The following POR variants were observed in gnomAD, a reference collection of about 807,000 sequenced individuals.
POR encodes the protein NADPH--cytochrome P450 reductase.
Under a neutral mutation model 84.0 loss-of-function variants are expected in POR, and 56 were observed. That is an observed-to-expected ratio of 0.67 (90% confidence interval 0.54 to 0.83). The LOEUF (loss-of-function observed/expected upper bound fraction) is 0.83, where lower values mean the gene tolerates loss of function less well. Ranked by LOEUF, POR falls within the 40% of genes least tolerant of loss-of-function variation. The probability of loss-of-function intolerance (pLI) is 0.00; values close to 1 mark genes in which losing one functional copy is unlikely to be tolerated. For synonymous variants in POR, 414 were observed against 400.5 expected (o/e 1.03, Z -0.40); for missense variants, 938 against 944.3 (o/e 0.99, Z 0.09).
chr7:75,986,566 G>GTC lies in POR; in HGVS notation c.*85_*86insTC. The GTC allele has an allele frequency of 6.6e-7, 1 of 1,513,874 alleles. No homozygotes were observed. Among genetic ancestry groups the GTC allele is most frequent in the Non-Finnish European group, 8.9e-7 (1 of 1,129,074 alleles). The allele number at this position is 1,513,874 out of a possible 1,614,324, so 93.8% of individuals were successfully genotyped here. On this transcript the variant is annotated 3_prime_UTR_variant, in exon 16 of 16. Coordinates refer to ENST00000461988, the MANE Select transcript of POR (RefSeq NM_000941.3). ...CTCCCGTAGTCTCCTGGGTGTGTTT[G>GTC]GCTTGGCCTTGGCATGGGCGCAGGC...
At chr7:75,939,476 T>A (rs1425042440) in intron 1 of POR, among the ~76,000 whole-genome samples, 1 of 151,778 alleles carries the variant, frequency 6.6e-6, no homozygotes, top group African/African-American at 2.4e-5. Flanking sequence ...AACTCAGAGT[T>A]TCTGGAATGG....
chr7:75,929,418 C>G (rs1000892880), intron 1 of POR, among the ~76,000 whole-genome samples: 3 of 152,134 alleles, frequency 2.0e-5, no homozygotes, highest in African/African-American at 7.2e-5. Context: ...GCATGCACCA[C>G]CATGCCCAGC....
intron 2 of POR, among the ~76,000 whole-genome samples, chr7:75,966,119 C>T (rs1450639492): frequency 1.3e-5 from 2 of 152,152 alleles, no homozygotes; most frequent in Non-Finnish European, 2.9e-5. Flanking sequence ...GAGGATTAAA[C>T]AAAATAAAAT....
rs781914230 is a variant in POR, at chr7:75,985,937, G to GAGAC, written c.1685_1688dup (p.Leu564AspfsTer12). On this transcript the variant is annotated frameshift_variant, in exon 14 of 16. Coordinates refer to ENST00000461988, the MANE Select transcript of POR (RefSeq NM_000941.3). LOFTEE classifies it high-confidence loss of function. The stretch of plus-strand genomic sequence containing the variant: ...CTGCCACGCAGGCAAGGAGGTGGGG[G>GAGAC]AGACGCTGCTGTACTACGGCTGCCG... The GAGAC allele has an allele frequency of 1.3e-5, 21 of 1,588,006 alleles. No homozygotes were observed. Among genetic ancestry groups the GAGAC allele is most frequent in the Non-Finnish European group, 1.8e-5 (21 of 1,167,946 alleles).
intron 9 of POR, 45 bp downstream of exon 9, chr7:75,983,681 C>T: frequency 6.2e-7 from 1 of 1,608,830 alleles, no homozygotes; most frequent in Non-Finnish European, 8.5e-7. Context: ...CTCTGGGCCT[C>T]CTGACCTGGG....
chr7:75,938,259 A>G (rs1277350809), intron 1 of POR, among the ~76,000 whole-genome samples: 2 of 152,128 alleles, frequency 1.3e-5, no homozygotes, highest in African/African-American at 4.8e-5. Flanking sequence ...TTCAGTGGAG[A>G]ATGTTCTCCA....
In POR at chr7:75,978,363, A is replaced by G. The variant is rs138280336; in HGVS notation, c.238-1088A>G. ...ATACTGTCATCTTACTGTTCCCTAA[A>G]CAATACAGCATAGCAACTATTTACA... On this transcript the variant is annotated intron_variant, in intron 3 of 15. Coordinates refer to ENST00000461988, the MANE Select transcript of POR (RefSeq NM_000941.3). Among the ~76,000 whole-genome samples, 201 of 152,344 alleles carry G rather than the reference A, an allele frequency of 1.3e-3. 8 individuals are homozygous for G. The South Asian group carries it at 0.037, about 28-fold the overall frequency.
chr7:75,972,755 A>G (rs1554556387), intron 3 of POR: 3 of 485,990 alleles, frequency 6.2e-6, no homozygotes, highest in African/African-American at 1.9e-5. Context: ...TGGCCTGTCC[A>G]GGAGCAGAGG....
chr7:75,935,620 TGTGTGTGTGTG>T (rs1473970480), intron 1 of POR, among the ~76,000 whole-genome samples: 1 of 6,446 alleles, frequency 1.6e-4, no homozygotes, highest in Non-Finnish European at 2.7e-4. Context: ...GCTCGGGGCT[TGTGTGTGTGTG>T]TGTGTGTGTG....
At chr7:75,936,086 C>CTTTTTTTTTTTTTTTTTTT (rs869164954) in intron 1 of POR, among the ~76,000 whole-genome samples, 3 of 99,788 alleles carry the variant, frequency 3.0e-5, no homozygotes, top group Non-Finnish European at 3.9e-5. Context: ...TTCTTTCTTT[C>CTTTTTTTTTTTTTTTTTTT]TTTTTTTTTT....
intron 2 of POR, chr7:75,970,839 C>T (rs1788394735): frequency 6.6e-6 from 1 of 151,928 alleles, no homozygotes; most frequent in Admixed American, 6.6e-5. Context: ...ATTTGTAGGG[C>T]TTTCTTACAT....
chr7:75,952,766 C>T (rs1172062423), intron 1 of POR, among the ~76,000 whole-genome samples: 8 of 151,688 alleles, frequency 5.3e-5, no homozygotes, highest in African/African-American at 1.9e-4. Flanking sequence ...GATGGGATGG[C>T]GGTGGAGAAG....
chr7:75,986,321 C>T lies in POR; in HGVS notation c.1899-16C>T, dbSNP rs1554559436. Reference sequence around the variant, plus strand: ...CACAGTTGGCCCAGCCCCCAGCACCCCCTCTTCCTGCCCAGGGATGCACGG... The same window carrying T: ...CACAGTTGGCCCAGCCCCCAGCACCTCCTCTTCCTGCCCAGGGATGCACGG... On this transcript the variant is annotated splice_polypyrimidine_tract_variant and intron_variant, in intron 15 of 15. Coordinates refer to ENST00000461988, the MANE Select transcript of POR (RefSeq NM_000941.3). The T allele has an allele frequency of 1.2e-6, 2 of 1,612,460 alleles. No individual in the cohort carries two copies. Among genetic ancestry groups the T allele is most frequent in the Admixed American group, 1.7e-5 (1 of 60,010 alleles).
At chr7:75,940,019 C>T (rs1554551332) in intron 1 of POR, among the ~76,000 whole-genome samples, 5 of 152,128 alleles carry the variant, frequency 3.3e-5, no homozygotes, top group Non-Finnish European at 7.4e-5. Flanking sequence ...CCTGCCTTAC[C>T]TCCCAAATAG....
chr7:75,921,561 G>A (rs896781674), intron 1 of POR, among the ~76,000 whole-genome samples: 6 of 151,762 alleles, frequency 4.0e-5, no homozygotes, highest in Non-Finnish European at 7.4e-5. Flanking sequence ...CACCACGCCC[G>A]GCCCTTTAAA....
At chr7:75,966,457 A>G (rs1309244662) in intron 2 of POR, among the ~76,000 whole-genome samples, 1 of 152,190 alleles carries the variant, frequency 6.6e-6, no homozygotes, top group East Asian at 1.9e-4. Flanking sequence ...GTCCTGCCAG[A>G]GCAGGCTGCC....
intron 1 of POR, among the ~76,000 whole-genome samples, chr7:75,945,743 AG>A (rs1264573007): frequency 1.3e-5 from 2 of 152,160 alleles, no homozygotes; most frequent in Non-Finnish European, 1.5e-5. Context: ...TGACAGCTAA[AG>A]GGTTGACTAA....
intron 1 of POR, among the ~76,000 whole-genome samples, chr7:75,922,389 T>A (rs1806923284): frequency 6.8e-6 from 1 of 146,478 alleles, no homozygotes; most frequent in South Asian, 2.3e-4. Flanking sequence ...AGTGGCGCAA[T>A]CTTGGCTCAC....
Position 75,985,771 on chromosome 7 carries a change from G to A in POR, c.1591G>A (p.Val531Ile). Residue 531 changes from valine (V) to isoleucine (I), a missense_variant, in exon 13 of 16, where the codon GTC (valine) becomes ATC (isoleucine). Coordinates refer to ENST00000461988, the MANE Select transcript of POR (RefSeq NM_000941.3). ...CCTGCCCTTCAAGGCCACCACGCCTGTCATCATGGTGGGCCCCGGCACCGG... is the reference window on the plus strand; with the variant it reads ...CCTGCCCTTCAAGGCCACCACGCCTATCATCATGGTGGGCCCCGGCACCGG... 6.3e-7 allele frequency: 1 copy of A among 1,578,026 alleles called. No homozygotes were observed. The highest frequency in any genetic ancestry group is 8.6e-7 in the Non-Finnish European group (1 of 1,162,974).
Sources: allele counts gnomAD v4.1 joint callset (sites outside exome capture counted in the v4.1 genomes callset), GRCh38; gene constraint gnomAD v4.1.1; transcripts MANE v1.5; gene names NCBI Gene and HGNC (gene_info 2026-07-23, HGNC 2026-07-21).